The following PCDHGA3 variants were observed in gnomAD, a reference collection of about 807,000 sequenced individuals.
PCDHGA3 encodes the protein protocadherin gamma subfamily A, 3, also known as protocadherin gamma-A3.
A neutral mutation model predicts 58.5 loss-of-function variants in PCDHGA3; 40 were observed. The ratio of observed to expected loss-of-function variants is 0.68; its 90% CI spans 0.53 to 0.89. The LOEUF (loss-of-function observed/expected upper bound fraction) is 0.89, where lower values mean the gene tolerates loss of function less well. PCDHGA3 is among the 40% of genes least tolerant of loss of function. PCDHGA3 has a pLI of 0.00. For missense variants in PCDHGA3, 1,223 were observed against 1,195.9 expected, an observed-to-expected ratio of 1.02 and a Z score of -0.33; for synonymous variants, 530 against 525.7, an observed-to-expected ratio of 1.01 and a Z score of -0.11.
chr5:141,363,424 C>T (rs1226376844), intron 1 of PCDHGA3, among the ~76,000 whole-genome samples: 1 of 152,126 alleles, frequency 6.6e-6, no homozygotes, highest in Non-Finnish European at 1.5e-5. Context: ...ATATCTGTCT[C>T]AACATAGAAA....
At position 141,390,023 on chromosome 5, in the gene PCDHGA3, G is replaced by C. The variant is rs2092020127; in HGVS notation, c.2424+43566G>C. ...TGATTCTGGCCATTGCCTTGCGCCT[G>C]CGACGCTCCTCCAGCCCCGCCTCCT... On this transcript the variant is annotated intron_variant, in intron 1 of 3. Transcript: ENST00000253812. The C allele has an allele frequency of 1.9e-6, 3 of 1,613,908 alleles. No individual in the cohort carries two copies. In the African/African-American group the frequency reaches 4.0e-5, roughly 22 times the overall value.
intron 1 of PCDHGA3, among the ~76,000 whole-genome samples, chr5:141,451,826 A>G (rs2098725686): frequency 6.6e-6 from 1 of 151,720 alleles, no homozygotes; most frequent in Non-Finnish European, 1.5e-5. Context: ...GGTTACAGTG[A>G]GCCGAGATCA....
At chr5:141,418,310 G>A in intron 1 of PCDHGA3, 1 of 1,613,990 alleles carries the variant, frequency 6.2e-7, no homozygotes, top group Non-Finnish European at 8.5e-7. Context: ...CCTGGGGATG[G>A]GAACAATTCT....
intron 1 of PCDHGA3, chr5:141,370,325 G>A (rs1414705045): frequency 5.0e-6 from 7 of 1,390,940 alleles, no homozygotes; most frequent in Non-Finnish European, 6.8e-6. Context: ...GGTCCTGCTC[G>A]GAGAACTCTT....
chr5:141,349,513 T>C (rs1436793656), intron 1 of PCDHGA3, among the ~76,000 whole-genome samples: 1 of 152,232 alleles, frequency 6.6e-6, no homozygotes, highest in Admixed American at 6.5e-5. Flanking sequence ...TTGTCCTACT[T>C]AACTGGAAAG....
chr5:141,429,572 T>C (rs1450720834), intron 1 of PCDHGA3, among the ~76,000 whole-genome samples: 1 of 152,226 alleles, frequency 6.6e-6, no homozygotes, highest in South Asian at 2.1e-4. Context: ...TTCAGTTACA[T>C]TTACTTTTGA....
intron 1 of PCDHGA3, chr5:141,351,617 T>G (rs1469008271): frequency 6.2e-7 from 1 of 1,614,030 alleles, no homozygotes. Flanking sequence ...TCAGGCCTCC[T>G]ATGTGGTCCA....
chr5:141,477,747 C>A lies in PCDHGA3; in HGVS notation c.2425-17060C>A. ...ACAGCTCATATCAGCGATGGGGGCA[C>A]CCCGGTCCTAGCCACCAACATCAGC... On this transcript the variant is annotated intron_variant, in intron 1 of 3. Coordinates refer to ENST00000253812, the MANE Select transcript of PCDHGA3 (RefSeq NM_018916.4). The surrounding 1 kb of genome is among the most constrained non-coding windows in gnomAD (Gnocchi z 4.9). 1.9e-6 allele frequency: 3 copies of A among 1,613,840 alleles called. No individual in the cohort carries two copies. The highest frequency in any genetic ancestry group is 2.5e-6 in the Non-Finnish European group (3 of 1,180,044).
At position 141,404,183 on chromosome 5, in the gene PCDHGA3, G is replaced by A; in HGVS notation, c.2424+57726G>A. The A allele has an allele frequency of 1.2e-6, 2 of 1,613,154 alleles. No individual in the cohort carries two copies. Among genetic ancestry groups the A allele is most frequent in the South Asian group, 1.1e-5 (1 of 90,926 alleles). On this transcript the variant is annotated intron_variant, in intron 1 of 3. Coordinates refer to ENST00000253812, the MANE Select transcript of PCDHGA3 (RefSeq NM_018916.4). Reference sequence around the variant, plus strand: ...CAGATTGTTGACGGCCCAAATTCTTGACCGAGAAAAAGCCTCAGAATATAA... The same window carrying A: ...CAGATTGTTGACGGCCCAAATTCTTAACCGAGAAAAAGCCTCAGAATATAA...
intron 1 of PCDHGA3, chr5:141,392,663 A>C: frequency 1.2e-6 from 1 of 810,712 alleles, no homozygotes; most frequent in Non-Finnish European, 1.8e-6. Flanking sequence ...GATGCCACAA[A>C]CTAACTGCTG....
chr5:141,427,294 A>G (rs1239553754), intron 1 of PCDHGA3: 6 of 456,876 alleles, frequency 1.3e-5, no homozygotes, highest in Non-Finnish European at 2.2e-5. Context: ...GAAATCCTAG[A>G]TGAGAATGAC....
At position 141,375,804 on chromosome 5, in the gene PCDHGA3, G is replaced by A. The variant is rs375695435; in HGVS notation, c.2424+29347G>A. 1,032 of 1,614,192 alleles carry A rather than the reference G, an allele frequency of 6.4e-4. 20 individuals carry two copies. In the South Asian group the frequency reaches 0.011, roughly 17 times the overall value. ...GCCCTCCCCACAGACGGTTCCACTG[G>A]CGTGGAGCTGGCGCCCCGCTCCGCA... On this transcript the variant is annotated intron_variant, in intron 1 of 3. Coordinates refer to ENST00000253812, the MANE Select transcript of PCDHGA3 (RefSeq NM_018916.4).
intron 2 of PCDHGA3, among the ~76,000 whole-genome samples, chr5:141,496,054 G>A (rs180707408): frequency 6.6e-6 from 1 of 150,988 alleles, no homozygotes; most frequent in Admixed American, 6.6e-5. Context: ...TTTTGTGCTT[G>A]TGGGCAAGCC....
intron 1 of PCDHGA3, among the ~76,000 whole-genome samples, chr5:141,447,535 G>T (rs1366016262): frequency 3.3e-5 from 5 of 152,162 alleles, no homozygotes; most frequent in Admixed American, 6.5e-5. Flanking sequence ...AAATTGTTGG[G>T]TTTTAATGTT....
chr5:141,424,052 G>A, intron 1 of PCDHGA3: 1 of 1,012,010 alleles, frequency 9.9e-7, no homozygotes, highest in South Asian at 4.7e-5. Flanking sequence ...CAATTTTGCT[G>A]TGCCTTCACT....
chr5:141,393,186 G>C, intron 1 of PCDHGA3: 2 of 1,613,306 alleles, frequency 1.2e-6, no homozygotes, highest in East Asian at 4.5e-5. Context: ...AGAAATAATT[G>C]ATATTAACGA....
chr5:141,395,525 G>A, intron 1 of PCDHGA3: 2 of 384,022 alleles, frequency 5.2e-6, no homozygotes, highest in Non-Finnish European at 9.3e-6. Flanking sequence ...CGTCCATACT[G>A]GTAATTTTGC....
chr5:141,408,328 C>A, intron 1 of PCDHGA3: 1 of 1,613,910 alleles, frequency 6.2e-7, no homozygotes, highest in South Asian at 1.1e-5. Flanking sequence ...AGGAGCTGGC[C>A]AAGGGCTCGG....
At position 141,489,436 on chromosome 5, in the gene PCDHGA3, T is replaced by C. The variant is rs1002519; in HGVS notation, c.2425-5371T>C. 0.23 allele frequency: 369,130 copies of C among 1,613,832 alleles called. 44,340 individuals are homozygous for C. The highest frequency in any genetic ancestry group is 0.38 in the Admixed American group (23,024 of 60,000). On this transcript the variant is annotated intron_variant, in intron 1 of 3. Transcript: ENST00000253812. The surrounding 1 kb of genome is among the most constrained non-coding windows in gnomAD (Gnocchi z 4.5). ...AGATCTGTTGAGCCGGCGGCTGCAATTGGGCTCTGAGGAGAATGGGCGCTA... is the reference window on the plus strand; with the variant it reads ...AGATCTGTTGAGCCGGCGGCTGCAACTGGGCTCTGAGGAGAATGGGCGCTA...
Sources: allele counts gnomAD v4.1 joint callset (sites outside exome capture counted in the v4.1 genomes callset), GRCh38; gene constraint gnomAD v4.1.1; non-coding constraint Gnocchi (gnomAD v3.1); transcripts MANE v1.5; gene names NCBI Gene and HGNC (gene_info 2026-07-23, HGNC 2026-07-21).